CSMD3: variants seen among roughly 807,000 people sequenced by gnomAD.
The protein encoded by CSMD3 is CUB and Sushi multiple domains 3.
CSMD3 carries 177 observed loss-of-function variants against 435.2 expected under a neutral mutation model. That is an observed-to-expected ratio of 0.41 (90% CI 0.36 to 0.46). The LOEUF (loss-of-function observed/expected upper bound fraction) is 0.46, where lower values mean the gene tolerates loss of function less well. Ranked by LOEUF, CSMD3 falls within the 20% of genes least tolerant of loss-of-function variation. The probability of loss-of-function intolerance (pLI) is 0.34; values close to 1 mark genes in which losing one functional copy is unlikely to be tolerated. For synonymous variants in CSMD3, 1,656 were observed against 1,520.5 expected (o/e 1.09, Z -2.07); for missense variants, 4,265 against 4,504.6 (o/e 0.95, Z 1.52).
chr8:113,410,550 T>G (rs2094553474), intron 1 of CSMD3, among the ~76,000 whole-genome samples: 1 of 152,118 alleles, frequency 6.6e-6, no homozygotes. Flanking sequence ...CTTTCTCTGT[T>G]TCTTTAATTA....
intron 7 of CSMD3, among the ~76,000 whole-genome samples, chr8:112,969,485 T>C (rs2084560449): frequency 6.6e-6 from 1 of 151,976 alleles, no homozygotes. Flanking sequence ...GTAACTTTAT[T>C]AACCAAAGTA....
intron 59 of CSMD3, among the ~76,000 whole-genome samples, chr8:112,273,282 A>C (rs940920270): frequency 8.3e-5 from 6 of 72,586 alleles, no homozygotes; most frequent in African/African-American, 2.9e-4. Context: ...TATTCATTGT[A>C]AAAAAAAAAT....
chr8:112,783,830 A>T (rs1303884033), intron 13 of CSMD3, among the ~76,000 whole-genome samples: 1 of 151,968 alleles, frequency 6.6e-6, no homozygotes, highest in Non-Finnish European at 1.5e-5. Context: ...AGACAAAAAA[A>T]AAACATAAAA....
intron 32 of CSMD3, among the ~76,000 whole-genome samples, chr8:112,445,148 C>T (rs1318058025): frequency 6.6e-6 from 1 of 152,038 alleles, no homozygotes; most frequent in Non-Finnish European, 1.5e-5. Flanking sequence ...GAGGCTGAGA[C>T]ACGAGAATCC....
chr8:113,240,555 A>G (rs1174620170), intron 3 of CSMD3, among the ~76,000 whole-genome samples: 1 of 152,140 alleles, frequency 6.6e-6, no homozygotes, highest in Non-Finnish European at 1.5e-5. Context: ...GACAACTTCT[A>G]AGTTTCTGCA....
intron 7 of CSMD3, among the ~76,000 whole-genome samples, chr8:112,962,920 A>G (rs1282679329): frequency 6.6e-6 from 1 of 151,934 alleles, no homozygotes; most frequent in African/African-American, 2.4e-5. Context: ...GCTTGTTAGA[A>G]AAGCAGAATA....
At chr8:113,325,625 T>C (rs1329858124) in intron 1 of CSMD3, among the ~76,000 whole-genome samples, 1 of 152,184 alleles carries the variant, frequency 6.6e-6, no homozygotes, top group Non-Finnish European at 1.5e-5. Flanking sequence ...TCTCAGTCTA[T>C]TCCTCATCCC....
rs565825128 is a variant in CSMD3 at position 112,550,239 on chromosome 8, T to A, written c.4564+432A>T. On this transcript the variant is annotated intron_variant, in intron 27 of 70. Transcript: ENST00000297405. ...TTTGTCAAAGATGTCTGTGAATACA[T>A]AATTAAGATATTTAGATAATTTTTA... 3.9e-5 allele frequency among the ~76,000 whole-genome samples: 6 copies of A among 152,146 alleles called. No individual in the cohort carries two copies. In the South Asian group the frequency reaches 1.0e-3, roughly 26 times the overall value.
At chr8:113,089,844 T>C (rs2089941026) in intron 5 of CSMD3, among the ~76,000 whole-genome samples, 1 of 152,122 alleles carries the variant, frequency 6.6e-6, no homozygotes, top group South Asian at 2.1e-4. Context: ...TACTGTTCTA[T>C]GCTTAATCTG....
At chr8:113,077,459 T>G (rs2089390111) in intron 5 of CSMD3, among the ~76,000 whole-genome samples, 2 of 152,120 alleles carry the variant, frequency 1.3e-5, no homozygotes, top group Non-Finnish European at 2.9e-5. Context: ...CCCAGCACTT[T>G]GGGAGGCCGA....
chr8:112,543,898 G>A (rs1027364409), intron 27 of CSMD3, among the ~76,000 whole-genome samples: 1 of 152,104 alleles, frequency 6.6e-6, no homozygotes, highest in Non-Finnish European at 1.5e-5. Flanking sequence ...GTCTCTAAAA[G>A]AAGGATTCTG....
intron 6 of CSMD3, among the ~76,000 whole-genome samples, chr8:113,004,231 T>C (rs1188980354): frequency 6.6e-6 from 1 of 152,026 alleles, no homozygotes; most frequent in Non-Finnish European, 1.5e-5. Flanking sequence ...CCCATTTAGA[T>C]TCAGATTGAT....
chr8:113,412,308 GT>G (rs1430914192), intron 1 of CSMD3, among the ~76,000 whole-genome samples: 1 of 152,090 alleles, frequency 6.6e-6, no homozygotes, highest in Non-Finnish European at 1.5e-5. Context: ...ATTCCTCAGA[GT>G]TGTGTGTCTT....
chr8:113,414,578 CTTA>C (rs1185603998), intron 1 of CSMD3, among the ~76,000 whole-genome samples: 3 of 143,544 alleles, frequency 2.1e-5, no homozygotes, highest in Non-Finnish European at 4.5e-5. Context: ...AATTGAAATA[CTTA>C]TTATTTGAAC....
intron 3 of CSMD3, 43 bp from the exon 4 acceptor site, chr8:113,173,959 A>T: frequency 7.1e-7 from 1 of 1,410,128 alleles, no homozygotes; most frequent in Non-Finnish European, 1.0e-6. Flanking sequence ...TTATTTCAAT[A>T]AGCAGTTTAT....
At chr8:112,583,557 G>A (rs1404039958) in intron 23 of CSMD3, among the ~76,000 whole-genome samples, 2 of 151,786 alleles carry the variant, frequency 1.3e-5, no homozygotes, top group Non-Finnish European at 2.9e-5. Flanking sequence ...CCTACCTGTG[G>A]TGTGTCATTA....
At chr8:113,122,254 T>A (rs938380369) in intron 4 of CSMD3, among the ~76,000 whole-genome samples, 2 of 152,142 alleles carry the variant, frequency 1.3e-5, no homozygotes, top group Non-Finnish European at 2.9e-5. Context: ...CATAAGTCTA[T>A]ATTACATTTG....
intron 53 of CSMD3, among the ~76,000 whole-genome samples, chr8:112,297,466 GA>G (rs1269659656): frequency 6.6e-6 from 1 of 151,790 alleles, no homozygotes; most frequent in Admixed American, 6.6e-5. Flanking sequence ...TAATAAAAGA[GA>G]AAAAATTCTA....
intron 31 of CSMD3, among the ~76,000 whole-genome samples, chr8:112,481,815 T>C (rs1020065217): frequency 9.2e-5 from 14 of 152,184 alleles, no homozygotes; most frequent in Non-Finnish European, 1.5e-5. Flanking sequence ...TACTACTGTT[T>C]GTTTCTTTTG....
Sources: gnomAD v4.1 joint callset for allele counts (sites outside exome capture counted in the v4.1 genomes callset) on GRCh38, gnomAD v4.1.1 for gene constraint, MANE v1.5 for transcripts, NCBI Gene and HGNC (gene_info 2026-07-23, HGNC 2026-07-21) for gene names.